The following BLTP2 variants were observed in gnomAD, a reference collection of about 807,000 sequenced individuals.
The protein encoded by BLTP2 is bridge-like lipid transfer protein family member 2, also known as U937-associated antigen.
the BLTP2 span, chr17:28,635,745 T>C: frequency 1.2e-6 from 1 of 848,188 alleles, no homozygotes; most frequent in East Asian, 2.7e-5. Context: ...TCACATTAAT[T>C]ACTGCCTTGC....
the BLTP2 span, among the ~76,000 whole-genome samples, chr17:28,627,873 C>T: frequency 6.6e-6 from 1 of 151,922 alleles, no homozygotes; most frequent in Non-Finnish European, 1.5e-5. Context: ...GTTGGCCAGG[C>T]TGGTCTTGAA....
At chr17:28,625,334 CAAAAAAAA>C in the BLTP2 span, among the ~76,000 whole-genome samples, 110 of 29,064 alleles carry the variant, frequency 3.8e-3, no homozygotes, top group African/African-American at 0.012. Flanking sequence ...GACTCCGTCT[CAAAAAAAA>C]AAAAAAAAAA....
the BLTP2 span, chr17:28,623,795 G>A: frequency 6.2e-7 from 1 of 1,614,052 alleles, no homozygotes; most frequent in Non-Finnish European, 8.5e-7. Context: ...TGCTCTGTGG[G>A]GCTGCTTTCA....
At chr17:28,635,828 T>C in the BLTP2 span, 2 of 491,666 alleles carry the variant, frequency 4.1e-6, no homozygotes, top group South Asian at 3.2e-5. Flanking sequence ...CTTATACTTT[T>C]TAAGTTCTCT....
At chr17:28,639,394 C>G in the BLTP2 span, 1 of 1,613,908 alleles carries the variant, frequency 6.2e-7, no homozygotes, top group Admixed American at 1.7e-5. Flanking sequence ...TGAGAGAATT[C>G]CTGGTGCCGG....
At chr17:28,645,141 G>T in the BLTP2 span, 2 of 1,128,724 alleles carry the variant, frequency 1.8e-6, no homozygotes, top group South Asian at 4.8e-5. Context: ...GCCGCGGGCC[G>T]ACCAGCTGCG....
chr17:28,638,158 T>C, the BLTP2 span: 1 of 1,598,672 alleles, frequency 6.3e-7, no homozygotes, highest in Non-Finnish European at 8.5e-7. Context: ...AATGCCCTAA[T>C]GCACTTCCTG....
the BLTP2 span, chr17:28,617,066 C>A: frequency 1.0e-5 from 13 of 1,298,586 alleles, no homozygotes; most frequent in Non-Finnish European, 1.3e-5. Flanking sequence ...ACCCACAAAT[C>A]CTCTGCAGAA....
the BLTP2 span, chr17:28,633,644 G>A: frequency 8.7e-6 from 14 of 1,614,086 alleles, no homozygotes; most frequent in South Asian, 4.4e-5. Context: ...GGCAAAGGTG[G>A]GCTGGGGTCA....
At chr17:28,620,414 G>A in the BLTP2 span, 1 of 1,433,276 alleles carries the variant, frequency 7.0e-7, no homozygotes, top group Non-Finnish European at 9.6e-7. Context: ...CTTTTTCAGT[G>A]TGAAGCATGG....
the BLTP2 span, chr17:28,624,150 C>A: frequency 1.3e-6 from 2 of 1,493,732 alleles, no homozygotes; most frequent in South Asian, 2.5e-5. Flanking sequence ...TCTATTCACC[C>A]ATTCATATTT....
chr17:28,617,931 CTT>C, the BLTP2 span, among the ~76,000 whole-genome samples: 13 of 128,700 alleles, frequency 1.0e-4, no homozygotes, highest in Non-Finnish European at 8.3e-5. Context: ...ACCCAATTTT[CTT>C]TTTTTTTTTT....
the BLTP2 span, chr17:28,639,010 C>A: frequency 6.4e-6 from 3 of 471,970 alleles, no homozygotes; most frequent in East Asian, 1.2e-4. Flanking sequence ...GACATGACTG[C>A]CACCTTACAA....
At chr17:28,641,820 T>C in the BLTP2 span, 1 of 1,387,028 alleles carries the variant, frequency 7.2e-7, no homozygotes, top group Non-Finnish European at 1.0e-6. Flanking sequence ...GTGAGACCAC[T>C]ATTTTTTCTA....
At chr17:28,643,157 G>A in the BLTP2 span, 4 of 1,614,078 alleles carry the variant, frequency 2.5e-6, no homozygotes, top group Non-Finnish European at 3.4e-6. Flanking sequence ...AGGAGAAGTT[G>A]TCTCACTTGG....
At chr17:28,638,598 A>G in the BLTP2 span, 4 of 1,613,656 alleles carry the variant, frequency 2.5e-6, no homozygotes, top group African/African-American at 5.3e-5. Flanking sequence ...GACATTGGAG[A>G]TGGAGGTGCT....
chr17:28,642,279 T>G, the BLTP2 span: 1 of 1,614,056 alleles, frequency 6.2e-7, no homozygotes, highest in Non-Finnish European at 8.5e-7. Context: ...ACTTACCAGC[T>G]GACCACTCTT....
the BLTP2 span, chr17:28,635,389 AG>A: frequency 6.2e-7 from 1 of 1,614,030 alleles, no homozygotes; most frequent in African/African-American, 1.3e-5. Flanking sequence ...GCTCACCTCC[AG>A]GGTTAGGTTT....
chr17:28,637,961 A>G, the BLTP2 span: 1 of 1,614,226 alleles, frequency 6.2e-7, no homozygotes, highest in Non-Finnish European at 8.5e-7. Flanking sequence ...TTGTGGACCC[A>G]TCAGGGATAA....
Sources: gnomAD v4.1 joint callset for allele counts (sites outside exome capture counted in the v4.1 genomes callset) on GRCh38, gnomAD v4.1.1 for gene constraint, MANE v1.5 for transcripts, NCBI Gene and HGNC (gene_info 2026-07-23, HGNC 2026-07-21) for gene names.